PPP1R12B: variants seen among roughly 807,000 people sequenced by gnomAD.
PPP1R12B encodes the protein myosin phosphatase target subunit 2.
Under a neutral mutation model 126.1 loss-of-function variants are expected in PPP1R12B, and 76 were observed. The ratio of observed to expected loss-of-function variants is 0.60; its 90% CI spans 0.50 to 0.73. PPP1R12B has a LOEUF of 0.73. PPP1R12B is among the 30% of genes least tolerant of loss of function. The probability of loss-of-function intolerance (pLI) is 0.00; values close to 1 mark genes in which losing one functional copy is unlikely to be tolerated. For missense variants in PPP1R12B, 1,052 were observed against 1,205.1 expected (o/e 0.87, Z 1.88); for synonymous variants, 356 against 434.7 (o/e 0.82, Z 2.25).
chr1:202,536,379 G>A (rs186351469), intron 18 of PPP1R12B, among the ~76,000 whole-genome samples: 50 of 152,254 alleles, frequency 3.3e-4, no homozygotes, highest in Non-Finnish European at 6.5e-4. Context: ...GTATTTGTGT[G>A]TCTAAACATA....
intron 1 of PPP1R12B, among the ~76,000 whole-genome samples, chr1:202,396,350 G>GATA (rs780678233): frequency 2.0e-5 from 3 of 152,126 alleles, no homozygotes; most frequent in Non-Finnish European, 4.4e-5. Flanking sequence ...TGATGATGAT[G>GATA]ATAATAATAG....
At chr1:202,490,263 T>G (rs1443257752) in intron 14 of PPP1R12B, among the ~76,000 whole-genome samples, 1 of 152,188 alleles carries the variant, frequency 6.6e-6, no homozygotes, top group Non-Finnish European at 1.5e-5. Flanking sequence ...TTCCACAGTT[T>G]TAAATACTAC....
intron 1 of PPP1R12B, among the ~76,000 whole-genome samples, 159 bp downstream of exon 1, chr1:202,349,301 A>C (rs1024333538): frequency 2.6e-5 from 4 of 152,020 alleles, no homozygotes; most frequent in Admixed American, 6.5e-5. Context: ...AGCTTCCTCC[A>C]CTAATCAAGT....
At chr1:202,456,119 A>T (rs532406216) in intron 13 of PPP1R12B, among the ~76,000 whole-genome samples, 1 of 152,062 alleles carries the variant, frequency 6.6e-6, no homozygotes, top group Admixed American at 6.5e-5. Flanking sequence ...AAATACAAAA[A>T]TTAGCCAGGA....
intron 18 of PPP1R12B, among the ~76,000 whole-genome samples, chr1:202,523,939 T>C (rs1683055572): frequency 6.6e-6 from 1 of 152,188 alleles, no homozygotes; most frequent in Non-Finnish European, 1.5e-5. Context: ...GGTCTCAAAC[T>C]CCTGACCTTG....
intron 1 of PPP1R12B, among the ~76,000 whole-genome samples, chr1:202,405,809 C>G (rs144443579): frequency 6.6e-6 from 1 of 152,112 alleles, no homozygotes; most frequent in Non-Finnish European, 1.5e-5. Flanking sequence ...GTGTCTTCTA[C>G]CATGTAGTAC....
At chr1:202,435,625 G>A (rs533016329) in intron 9 of PPP1R12B, among the ~76,000 whole-genome samples, 92 of 152,292 alleles carry the variant, frequency 6.0e-4, no homozygotes, top group African/African-American at 2.0e-3. Context: ...AGAGTGAGTT[G>A]AATGATGACC....
rs745861024 is a variant in PPP1R12B at position 202,495,184 on chromosome 1, T to C, written c.2146-109T>C. ...ACCAGGTACTCAATATTGATCATCATCTACTCATAAGCCCCTTAATATAGA... is the reference window on the plus strand; with the variant it reads ...ACCAGGTACTCAATATTGATCATCACCTACTCATAAGCCCCTTAATATAGA... On this transcript the variant is annotated intron_variant, in intron 15 of 23. Transcript: ENST00000608999. 4.5e-4 allele frequency: 380 copies of C among 853,186 alleles called. 2 individuals carry two copies. Among genetic ancestry groups the C allele is most frequent in the South Asian group, 1.5e-3 (51 of 33,346 alleles). 52.9% of individuals were successfully genotyped at this position (853,186 alleles called of 1,614,324 possible).
chr1:202,445,065 A>T, intron 12 of PPP1R12B: 1 of 1,247,312 alleles, frequency 8.0e-7, no homozygotes. Flanking sequence ...TGGTAGAAGT[A>T]GTGACCCCAC....
At chr1:202,350,954 G>T (rs1367914221) in intron 1 of PPP1R12B, among the ~76,000 whole-genome samples, 2 of 152,052 alleles carry the variant, frequency 1.3e-5, no homozygotes, top group East Asian at 3.9e-4. Flanking sequence ...AGAAGGGGAT[G>T]ACAGCTATGG....
At chr1:202,439,262 C>A in intron 10 of PPP1R12B, 1 of 1,392,898 alleles carries the variant, frequency 7.2e-7, no homozygotes, top group Non-Finnish European at 1.0e-6. Context: ...CTGTCCTCCA[C>A]AGAGGCAAGA....
In PPP1R12B at chr1:202,437,892, G is replaced by A. The variant is rs1281281272; in HGVS notation, c.1326G>A (p.Leu442=). The A allele has an allele frequency of 6.8e-6, 11 of 1,613,868 alleles. No homozygotes were observed. The highest frequency in any genetic ancestry group is 9.3e-6 in the Non-Finnish European group (11 of 1,179,888). The part of the protein sequence containing the change: ...DESPSSWRLG[L]RKTGSHNMLS... ...CTCCTTCTTCATGGAGATTGGGACT[G>A]AGAAAAACTGGCAGCCACAACATGC... Residue 442 remains leucine, a synonymous_variant, in exon 10 of 24, where the codon CTG becomes CTA. Transcript: ENST00000608999.
At chr1:202,536,076 C>G (rs754522212) in intron 18 of PPP1R12B, among the ~76,000 whole-genome samples, 20 of 152,172 alleles carry the variant, frequency 1.3e-4, no homozygotes, top group Non-Finnish European at 2.4e-4. Context: ...GTTTTGCTCC[C>G]ATTTTACTGG....
intron 4 of PPP1R12B, 61 bp downstream of exon 4, chr1:202,425,786 A>T: frequency 6.7e-7 from 1 of 1,483,302 alleles, no homozygotes; most frequent in Non-Finnish European, 9.2e-7. Context: ...TAGGTTTTGG[A>T]AGCAGAGGCT....
intron 13 of PPP1R12B, among the ~76,000 whole-genome samples, chr1:202,487,003 A>G (rs918884353): frequency 1.1e-4 from 16 of 152,228 alleles, no homozygotes; most frequent in Non-Finnish European, 1.8e-4. Context: ...GAAAATTATA[A>G]GCCAATTTCT....
In PPP1R12B at chr1:202,477,442, G is replaced by A. The variant is rs572851675; in HGVS notation, c.1851-11091G>A. ...CAGGCAGTATGATTTTTATGCCAGG[G>A]TACTTTATCACTACACTATACCTGT... On this transcript the variant is annotated intron_variant, in intron 13 of 23. Coordinates refer to ENST00000608999, the MANE Select transcript of PPP1R12B (RefSeq NM_002481.4). Among the ~76,000 whole-genome samples the A allele has an allele frequency of 2.8e-4, 42 of 152,186 alleles. 2 individuals carry two copies. The South Asian group carries it at 8.3e-3, about 30-fold the overall frequency.
rs1690043440 is a variant in PPP1R12B at position 202,590,009 on chromosome 1, C to A, written c.*9449C>A. 1 of 152,178 alleles carries A rather than the reference C, an allele frequency of 6.6e-6. No individual in the cohort carries two copies. The highest frequency in any genetic ancestry group is 2.4e-5 in the African/African-American group (1 of 41,426). The allele number at this position is 152,178 out of a possible 1,614,324, so 9.4% of individuals were successfully genotyped here. A position where few individuals can be genotyped will look rare whatever the true frequency, so the allele number is the denominator to read the frequency against. ...ACCGAAGAAGGAGTTTTACTCTTCC[C>A]TGGTCTTTGGGGGCAATGCTGTCCC... On this transcript the variant is annotated 3_prime_UTR_variant, in exon 24 of 24. Coordinates refer to ENST00000608999, the MANE Select transcript of PPP1R12B (RefSeq NM_002481.4).
chr1:202,491,157 T>C (rs974296328), intron 14 of PPP1R12B, among the ~76,000 whole-genome samples: 1 of 152,188 alleles, frequency 6.6e-6, no homozygotes, highest in Non-Finnish European at 1.5e-5. Context: ...GGAGTTTTGC[T>C]CTTGTCACGC....
intron 13 of PPP1R12B, among the ~76,000 whole-genome samples, chr1:202,471,027 A>G (rs1675802213): frequency 6.6e-6 from 1 of 152,202 alleles, no homozygotes; most frequent in Non-Finnish European, 1.5e-5. Context: ...AGAATAAAAT[A>G]TAGCTAAGCT....
Sources: gnomAD v4.1 joint callset for allele counts (sites outside exome capture counted in the v4.1 genomes callset) on GRCh38, gnomAD v4.1.1 for gene constraint, MANE v1.5 for transcripts, NCBI Gene and HGNC (gene_info 2026-07-23, HGNC 2026-07-21) for gene names.